The following ERG variants were observed in gnomAD, a reference collection of about 807,000 sequenced individuals.
ERG encodes the protein transcriptional regulator ERG.
In ERG, 9 loss-of-function variants were observed where a neutral mutation model predicts 55.3. The observed-to-expected ratio is 0.16, with a 90% CI of 0.10 to 0.28. The LOEUF (loss-of-function observed/expected upper bound fraction) is 0.28, where lower values mean the gene tolerates loss of function less well. Among genes scored for constraint, ERG ranks in the 10% least tolerant of loss-of-function variants. ERG has a pLI of 1.00. For missense variants in ERG, 434 were observed against 631.6 expected (o/e 0.69, Z 3.35); for synonymous variants, 223 against 237.3 (o/e 0.94, Z 0.55).
At chr21:38,396,131 G>A (rs1440241576) in intron 6 of ERG, among the ~76,000 whole-genome samples, 1 of 152,162 alleles carries the variant, frequency 6.6e-6, no homozygotes, top group Non-Finnish European at 1.5e-5. Flanking sequence ...GGAAGAGCAA[G>A]AGCTGCTGCT....
At chr21:38,599,087 A>G (rs991578521) in intron 1 of ERG, among the ~76,000 whole-genome samples, 1 of 152,202 alleles carries the variant, frequency 6.6e-6, no homozygotes, top group Non-Finnish European at 1.5e-5. Flanking sequence ...CTGAGCTACC[A>G]GGGCACAGGG....
chr21:38,585,504 G>A (rs1380845986), upstream of ERG, among the ~76,000 whole-genome samples: 2 of 133,940 alleles, frequency 1.5e-5, no homozygotes, highest in Non-Finnish European at 3.1e-5. Flanking sequence ...CTGTAGCACG[G>A]CTCCAAAATC....
intron 1 of ERG, among the ~76,000 whole-genome samples, chr21:38,490,284 T>A (rs1170843193): frequency 6.6e-6 from 1 of 152,190 alleles, no homozygotes; most frequent in African/African-American, 2.4e-5. Context: ...ATGCTTTTCA[T>A]AGATTCCCTG....
At chr21:38,456,798 A>G (rs1467135206) in intron 1 of ERG, among the ~76,000 whole-genome samples, 1 of 152,220 alleles carries the variant, frequency 6.6e-6, no homozygotes, top group Non-Finnish European at 1.5e-5. Context: ...TGCTTTTCAG[A>G]AGATTTTTCC....
At chr21:38,619,154 C>G (rs1230481307) in intron 1 of ERG, among the ~76,000 whole-genome samples, 4 of 152,178 alleles carry the variant, frequency 2.6e-5, no homozygotes, top group African/African-American at 9.7e-5. Flanking sequence ...AGACCGACTT[C>G]CTTCCCCATG....
chr21:38,562,191 A>G (rs1222709069), intron 2 of ERG, among the ~76,000 whole-genome samples: 2 of 152,182 alleles, frequency 1.3e-5, no homozygotes, highest in South Asian at 4.2e-4. Flanking sequence ...TTATTATAAA[A>G]CTCAGTGTGT....
At chr21:38,407,709 AAAATACTTT>A (rs1988838984) in intron 3 of ERG, among the ~76,000 whole-genome samples, 2 of 146,526 alleles carry the variant, frequency 1.4e-5, no homozygotes, top group Admixed American at 6.8e-5. Context: ...GTATTTTTAT[AAAATACTTT>A]AAATACTTTA....
chr21:38,390,945 C>A, intron 9 of ERG, 50 bp downstream of exon 9: 1 of 1,464,668 alleles, frequency 6.8e-7, no homozygotes, highest in South Asian at 1.1e-5. Context: ...TCAAAATAAC[C>A]ACTGCCAAAA....
At chr21:38,367,664 G>A in the ERG span, 7 of 510,942 alleles carry the variant, frequency 1.4e-5, no homozygotes, top group Non-Finnish European at 2.7e-5. Flanking sequence ...CAAAAAGGGT[G>A]GGGAAATTAA....
At chr21:38,370,004 G>C in the ERG span, among the ~76,000 whole-genome samples, 1 of 152,108 alleles carries the variant, frequency 6.6e-6, no homozygotes, top group Non-Finnish European at 1.5e-5. Context: ...CCAGTACCAT[G>C]CTGTTTTGGT....
At chr21:38,374,923 C>T in the ERG span, among the ~76,000 whole-genome samples, 4 of 152,094 alleles carry the variant, frequency 2.6e-5, no homozygotes, top group South Asian at 8.3e-4. Context: ...CATGCCTTTG[C>T]TCAAGAAAAG....
intron 1 of ERG, among the ~76,000 whole-genome samples, chr21:38,458,152 A>G (rs1017416974): frequency 6.6e-6 from 1 of 152,146 alleles, no homozygotes; most frequent in Non-Finnish European, 1.5e-5. Flanking sequence ...CTGGCCAGGC[A>G]TGGTGGCTCG....
intron 2 of ERG, among the ~76,000 whole-genome samples, chr21:38,541,094 G>A (rs540349972): frequency 1.9e-4 from 29 of 152,286 alleles, no homozygotes; most frequent in African/African-American, 6.0e-4. Flanking sequence ...ACTGTGGTAC[G>A]TCTATCTGGC....
At chr21:38,532,752 C>G (rs141509842) in intron 2 of ERG, among the ~76,000 whole-genome samples, 1 of 152,324 alleles carries the variant, frequency 6.6e-6, no homozygotes, top group East Asian at 1.9e-4. Flanking sequence ...ACTCCACATA[C>G]CTGCAATTCA....
chr21:38,485,335 T>C (rs1197636269), intron 1 of ERG, among the ~76,000 whole-genome samples: 2 of 152,180 alleles, frequency 1.3e-5, no homozygotes, highest in Admixed American at 6.5e-5. Flanking sequence ...ATATTTGTGT[T>C]TCAAGCTAAG....
At chr21:38,511,319 T>C (rs1237711912) in intron 2 of ERG, among the ~76,000 whole-genome samples, 7 of 152,334 alleles carry the variant, frequency 4.6e-5, no homozygotes, top group Admixed American at 1.3e-4. Context: ...ATTTCCAGCA[T>C]TGAATATTGT....
upstream of ERG, among the ~76,000 whole-genome samples, chr21:38,501,337 G>T (rs961554601): frequency 1.3e-5 from 2 of 151,718 alleles, no homozygotes; most frequent in Non-Finnish European, 2.9e-5. Flanking sequence ...AAAGTGCTGG[G>T]ATTAAAGACG....
chr21:38,398,873 C>T (rs1439613718), intron 6 of ERG, among the ~76,000 whole-genome samples: 1 of 152,180 alleles, frequency 6.6e-6, no homozygotes, highest in Admixed American at 6.5e-5. Flanking sequence ...GCAACTCAGT[C>T]AGAGGCACCT....
intron 1 of ERG, among the ~76,000 whole-genome samples, chr21:38,448,393 G>C (rs996564504): frequency 1.3e-5 from 2 of 152,104 alleles, no homozygotes; most frequent in African/African-American, 2.4e-5. Flanking sequence ...TCATTAGAAG[G>C]GAAAAATTCT....
Sources: gnomAD v4.1 joint callset for allele counts (sites outside exome capture counted in the v4.1 genomes callset) on GRCh38, gnomAD v4.1.1 for gene constraint, MANE v1.5 for transcripts, NCBI Gene and HGNC (gene_info 2026-07-23, HGNC 2026-07-21) for gene names.